The following APBB1 variants were observed in gnomAD, a reference collection of about 807,000 sequenced individuals.
APBB1 encodes the protein adaptor protein FE65a2.
Under a neutral mutation model 78.4 loss-of-function variants are expected in APBB1, and 22 were observed. That is an observed-to-expected ratio of 0.28 (90% CI 0.20 to 0.40). The LOEUF is 0.40. Among genes scored for constraint, APBB1 ranks in the 10% least tolerant of loss-of-function variants. The pLI is 1.00. For synonymous variants in APBB1, 369 were observed against 372.7 expected (o/e 0.99, Z 0.12); for missense variants, 749 against 932.4 (o/e 0.80, Z 2.56).
At chr11:6,415,112 G>T (rs933734528) in intron 1 of APBB1, among the ~76,000 whole-genome samples, 26 of 152,150 alleles carry the variant, frequency 1.7e-4, no homozygotes, top group Non-Finnish European at 1.5e-5. Context: ...TCAAAAAGAT[G>T]ATCTCAGTCC....
At chr11:6,399,031 T>C (rs2723656) in intron 12 of APBB1, among the ~76,000 whole-genome samples, 29,834 of 152,198 alleles carry the variant, frequency 0.2, 3,920 homozygotes, top group African/African-American at 0.37. Flanking sequence ...ACCACTTCTT[T>C]TTCAAGTAGC....
Position 6,411,487 on chromosome 11 carries a change from C to G in APBB1, c.-14-126G>C. ...GCACTAAGCAGGCTAGCACCCATGGCTCTCTATCCTATGAGAATGACTGGG... is the reference window on the plus strand; with the variant it reads ...GCACTAAGCAGGCTAGCACCCATGGGTCTCTATCCTATGAGAATGACTGGG... On this transcript the variant is annotated intron_variant, in intron 1 of 14. Coordinates refer to ENST00000609360, the MANE Select transcript of APBB1 (RefSeq NM_001164.5). The surrounding 1 kb of genome is among the most constrained non-coding windows in gnomAD (Gnocchi z 5.2). 1 of 776,458 alleles carries G rather than the reference C, an allele frequency of 1.3e-6. No homozygotes were observed. Among genetic ancestry groups the G allele is most frequent in the South Asian group, 2.1e-5 (1 of 48,394 alleles). 48.1% of individuals were successfully genotyped at this position (776,458 alleles called of 1,614,324 possible).
At chr11:6,400,857 G>T in intron 12 of APBB1, 132 bp downstream of exon 12, 1 of 838,482 alleles carries the variant, frequency 1.2e-6, no homozygotes, top group Admixed American at 1.7e-5. Flanking sequence ...TGGGGAGGTG[G>T]GATGCATTTT....
chr11:6,416,322 C>T (rs900740526), intron 1 of APBB1, among the ~76,000 whole-genome samples: 10 of 152,118 alleles, frequency 6.6e-5, no homozygotes, highest in African/African-American at 2.4e-4. Context: ...TTCTCATGCC[C>T]CTTCCTCTTT....
chr11:6,395,524 G>C lies in APBB1; in HGVS notation c.*10C>G. 1 of 1,537,302 alleles carries C rather than the reference G, an allele frequency of 6.5e-7. No individual in the cohort carries two copies. The highest frequency in any genetic ancestry group is 8.7e-7 in the Non-Finnish European group (1 of 1,143,650). Reference sequence around the variant, plus strand: ...CAACACAAGCAGGTGGAGGGAAGGTGGGGGCTTCTTCATGGGGTATGGGCC... The same window carrying C: ...CAACACAAGCAGGTGGAGGGAAGGTCGGGGCTTCTTCATGGGGTATGGGCC... On this transcript the variant is annotated 3_prime_UTR_variant, in exon 15 of 15. Coordinates refer to ENST00000609360, the MANE Select transcript of APBB1 (RefSeq NM_001164.5). The surrounding 1 kb of genome is among the most constrained non-coding windows in gnomAD (Gnocchi z 5.2).
At chr11:6,404,489 C>A (rs1590779014) in intron 2 of APBB1, 1 of 1,273,054 alleles carries the variant, frequency 7.9e-7, no homozygotes, top group Non-Finnish European at 1.1e-6. Flanking sequence ...CGGACCCACA[C>A]TCAGACACAC....
Position 6,401,416 on chromosome 11 carries a change from C to A in APBB1, c.1517G>T (p.Arg506Leu), listed in dbSNP as rs376108082. The change falls in exon 11 of 15, where the codon CGG becomes CTG. Residue 506 changes from arginine (R) to leucine (L), a missense_variant. By Grantham distance (102) the Arg-to-Leu change is moderately radical. Around this residue, in one of 3 missense-constraint regions of APBB1, gnomAD observed 635 missense variants for 765.0 expected, o/e 0.83. Transcript: ENST00000609360. The surrounding 1 kb of genome is among the most constrained non-coding windows in gnomAD (Gnocchi z 4.5). ...ATTTACCAAGCAGCGGGCATTACGC[C>A]GTTCGGCCATGATCTGAGGAAGGAA... is the stretch of plus-strand genomic sequence containing the variant. ...HEICSKIMAERRNARCLVNGL... is the reference protein window; with the variant it reads ...HEICSKIMAELRNARCLVNGL... 18 of 1,613,836 alleles carry A rather than the reference C, an allele frequency of 1.1e-5. No individual in the cohort carries two copies. The highest frequency in any genetic ancestry group is 1.4e-5 in the Non-Finnish European group (17 of 1,179,948).
chr11:6,403,152 C>G lies in APBB1; in HGVS notation c.1097G>C (p.Gly366Ala). 1 of 1,611,954 alleles carries G rather than the reference C, an allele frequency of 6.2e-7. No homozygotes were observed. The highest frequency in any genetic ancestry group is 8.5e-7 in the Non-Finnish European group (1 of 1,179,082). Reference sequence around the variant, plus strand: ...TGTCAGTCTTGAACAAACCTTGATCCCTGGGTTGGTATTCCGTGGGGGAAG... The same window carrying G: ...TGTCAGTCTTGAACAAACCTTGATCGCTGGGTTGGTATTCCGTGGGGGAAG... Reference protein sequence around the residue: ...EKLPPRNTNPGIKCFAVRSLG... With the variant: ...EKLPPRNTNPAIKCFAVRSLG... Residue 366 changes from glycine to alanine, a missense_variant, in exon 6 of 15, where the codon GGG becomes GCG. Coordinates refer to ENST00000609360, the MANE Select transcript of APBB1 (RefSeq NM_001164.5). This position sits in a 1 kb window ranked among gnomAD's most constrained non-coding sequence, Gnocchi z 5.3.
At position 6,403,461 on chromosome 11, in the gene APBB1, C is replaced by A; in HGVS notation, c.954+27G>T. The A allele has an allele frequency of 6.2e-7, 1 of 1,614,166 alleles. No individual in the cohort carries two copies. Among genetic ancestry groups the A allele is most frequent in the Non-Finnish European group, 8.5e-7 (1 of 1,180,012 alleles). On this transcript the variant is annotated intron_variant, in intron 4 of 14. Coordinates refer to ENST00000609360, the MANE Select transcript of APBB1 (RefSeq NM_001164.5). The surrounding 1 kb of genome is among the most constrained non-coding windows in gnomAD (Gnocchi z 5.3). ...AATGATGCCCCTCCTCCAGCTATCC[C>A]GTGGTAAAGCAGGTCCCCTTACCCA...
intron 2 of APBB1, chr11:6,404,892 GA>G (rs1042133759): frequency 1.8e-5 from 27 of 1,503,260 alleles, no homozygotes; most frequent in Middle Eastern, 2.3e-4. Flanking sequence ...GGGCTGCAGA[GA>G]AAAGCTCATC....
chr11:6,400,039 A>G (rs978260684), intron 12 of APBB1, among the ~76,000 whole-genome samples: 2 of 152,234 alleles, frequency 1.3e-5, no homozygotes, highest in Non-Finnish European at 2.9e-5. Context: ...CTCTCAACGA[A>G]TAACTCACAC....
chr11:6,402,024 G>C, intron 8 of APBB1, 42 bp from the exon 9 acceptor site: 1 of 1,603,774 alleles, frequency 6.2e-7, no homozygotes. Flanking sequence ...CAGAGTTAGA[G>C]AGGAGGACTC....
chr11:6,415,432 C>T (rs1343011384), intron 1 of APBB1, among the ~76,000 whole-genome samples: 1 of 152,150 alleles, frequency 6.6e-6, no homozygotes, highest in Admixed American at 6.5e-5. Flanking sequence ...CTCAGTTCAG[C>T]GGGAAACAGT....
chr11:6,398,317 A>C (rs1207739883), intron 12 of APBB1, among the ~76,000 whole-genome samples: 3 of 152,220 alleles, frequency 2.0e-5, no homozygotes, highest in Non-Finnish European at 4.4e-5. Context: ...GCTAAATAAA[A>C]GCAGGGATCT....
At chr11:6,415,294 G>C (rs920924365) in intron 1 of APBB1, among the ~76,000 whole-genome samples, 2 of 152,232 alleles carry the variant, frequency 1.3e-5, no homozygotes, top group African/African-American at 4.8e-5. Flanking sequence ...AGACCACAGG[G>C]GTTGGGGTTG....
At position 6,402,618 on chromosome 11, in the gene APBB1, G is replaced by C. The variant is rs1339968771; in HGVS notation, c.1212C>G (p.His404Gln). Residue 404 changes from histidine to glutamine, a missense_variant, in exon 7 of 15, where the codon CAC becomes CAG. Physicochemically the swap from His to Gln is conservative, Grantham distance 24. Transcript: ENST00000609360. Reference sequence around the variant, plus strand: ...ACATGGGGTCATGCAGGTTGTTTTTGTGGTAAGAGAGCTGACGGATGCAAT... The same window carrying C: ...ACATGGGGTCATGCAGGTTGTTTTTCTGGTAAGAGAGCTGACGGATGCAAT... ...VNNCIRQLSY[H>Q]KNNLHDPMSG... 6.2e-7 allele frequency: 1 copy of C among 1,613,974 alleles called. No individual in the cohort carries two copies. The highest frequency in any genetic ancestry group is 8.5e-7 in the Non-Finnish European group (1 of 1,180,010).
intron 2 of APBB1, 25 bp downstream of exon 2, chr11:6,410,602 G>A (rs773561686): frequency 6.0e-6 from 9 of 1,507,522 alleles, no homozygotes; most frequent in Non-Finnish European, 8.0e-6. Flanking sequence ...CCTCCCACAT[G>A]CCCATGTCAA....
chr11:6,411,377 G>C lies in APBB1; in HGVS notation c.-14-16C>G, dbSNP rs749057632. ...TTGGCAGCTCCTGTGGGGTGCGGAG[G>C]GGAGATGCTGTTGAGCCTCTGGTCC... On this transcript the variant is annotated splice_polypyrimidine_tract_variant and intron_variant, in intron 1 of 14. Transcript: ENST00000609360. This position sits in a 1 kb window ranked among gnomAD's most constrained non-coding sequence, Gnocchi z 5.2. 1 of 1,516,518 alleles carries C rather than the reference G, an allele frequency of 6.6e-7. No individual in the cohort carries two copies. Among genetic ancestry groups the C allele is most frequent in the Non-Finnish European group, 8.8e-7 (1 of 1,134,298 alleles). 93.9% of individuals were successfully genotyped at this position (1,516,518 alleles called of 1,614,324 possible).
At position 6,410,749 on chromosome 11, in the gene APBB1, C is replaced by T. The variant is rs1419353337; in HGVS notation, c.599G>A (p.Arg200Gln). The change falls in exon 2 of 15, where the codon CGG becomes CAG. Residue 200 changes from arginine to glutamine, a missense_variant. Arg to Gln is a conservative substitution (Grantham distance 43). Coordinates refer to ENST00000609360, the MANE Select transcript of APBB1 (RefSeq NM_001164.5). ...GAGGCTGGCACTCTTGCTGTGTTCCCGGGGGCCATCTGTAAGGGCTTGGGG... is the reference window on the plus strand; with the variant it reads ...GAGGCTGGCACTCTTGCTGTGTTCCTGGGGGCCATCTGTAAGGGCTTGGGG... ...PRPQALTDGP[R>Q]EHSKSASLLF... is the part of the protein sequence containing the mutation. 11 of 1,580,264 alleles carry T rather than the reference C, an allele frequency of 7.0e-6. No homozygotes were observed. Among genetic ancestry groups the T allele is most frequent in the Non-Finnish European group, 9.5e-6 (11 of 1,162,834 alleles).
Sources: allele counts gnomAD v4.1 joint callset (sites outside exome capture counted in the v4.1 genomes callset), GRCh38; gene constraint gnomAD v4.1.1; regional missense constraint gnomAD v4.1.1; non-coding constraint Gnocchi (gnomAD v3.1); transcripts MANE v1.5; gene names NCBI Gene and HGNC (gene_info 2026-07-23, HGNC 2026-07-21).